The following ABI3BP variants were observed in gnomAD, a reference collection of about 807,000 sequenced individuals.
ABI3BP encodes the protein target of Nesh-SH3.
In ABI3BP, 216 loss-of-function variants were observed where a neutral mutation model predicts 268.6. The ratio of observed to expected loss-of-function variants is 0.80; its 90% CI spans 0.72 to 0.90. ABI3BP has a LOEUF of 0.90. Ranked by LOEUF, ABI3BP falls within the 40% of genes least tolerant of loss-of-function variation. The pLI is 0.00. For missense variants in ABI3BP, 2,090 were observed against 2,182.4 expected, an observed-to-expected ratio of 0.96 and a Z score of 0.84; for synonymous variants, 730 against 730.0, an observed-to-expected ratio of 1.00 and a Z score of 0.00.
Position 100,926,379 on chromosome 3 carries a change from A to C in ABI3BP, c.182T>G (p.Leu61Arg). ...SPNVKLEGLLLGYGSNVSPNQ... is the reference protein window; with the variant it reads ...SPNVKLEGLLRGYGSNVSPNQ... Reference sequence around the variant, plus strand: ...TGGTGATACATTGCTGCCATATCCCAGGAGAAGACCTTCAAGCTTTACATT... The same window carrying C: ...TGGTGATACATTGCTGCCATATCCCCGGAGAAGACCTTCAAGCTTTACATT... Residue 61 changes from leucine to arginine, a missense_variant, in exon 2 of 68, where the codon CTG becomes CGG. Leu to Arg is a moderately radical substitution (Grantham distance 102). Coordinates refer to ENST00000471714, the MANE Select transcript of ABI3BP (RefSeq NM_001375547.2). 4 of 1,613,474 alleles carry C rather than the reference A, an allele frequency of 2.5e-6. No individual in the cohort carries two copies. Among genetic ancestry groups the C allele is most frequent in the African/African-American group, 1.3e-5 (1 of 74,896 alleles).
At chr3:100,840,938 T>C in intron 21 of ABI3BP, 80 bp from the exon 22 acceptor site, 2 of 1,108,888 alleles carry the variant, frequency 1.8e-6, no homozygotes, top group Non-Finnish European at 1.3e-6. Flanking sequence ...TGGAATATGC[T>C]TAATTTTTAA....
At chr3:100,979,939 A>C (rs530338941) in intron 1 of ABI3BP, among the ~76,000 whole-genome samples, 5 of 152,328 alleles carry the variant, frequency 3.3e-5, no homozygotes, top group African/African-American at 9.6e-5. Context: ...AGGAATTTTG[A>C]CTAACCTGTA....
Position 100,815,912 on chromosome 3 carries a change from C to A in ABI3BP, c.3289G>T (p.Ala1097Ser). 1 of 1,520,274 alleles carries A rather than the reference C, an allele frequency of 6.6e-7. No individual in the cohort carries two copies. Among genetic ancestry groups the A allele is most frequent in the Non-Finnish European group, 8.8e-7 (1 of 1,142,112 alleles). The allele number at this position is 1,520,274 out of a possible 1,614,324, so 94.2% of individuals were successfully genotyped here. A position where few individuals can be genotyped will look rare whatever the true frequency, so the allele number is the denominator to read the frequency against. Residue 1097 changes from alanine (A) to serine (S), a missense_variant and splice_region_variant, in exon 44 of 68, where the codon GCT (alanine) becomes TCT (serine). Transcript: ENST00000471714. The stretch of plus-strand genomic sequence containing the variant: ...TAATGCAAGTCACAAAAATCATTAC[C>A]AAATGTTGTTCCTGGAGCATCAGTA... Reference protein sequence around the residue: ...HSTDAPGTTFALTELQTLILK... With the variant: ...HSTDAPGTTFSLTELQTLILK...
intron 1 of ABI3BP, among the ~76,000 whole-genome samples, chr3:100,929,646 C>T (rs776493587): frequency 1.4e-4 from 21 of 152,002 alleles, no homozygotes; most frequent in South Asian, 4.1e-4. Flanking sequence ...TCTTCATTAT[C>T]TTACCACACA....
At chr3:100,751,042 G>A (rs2095290194) in intron 67 of ABI3BP, among the ~76,000 whole-genome samples, 1 of 152,096 alleles carries the variant, frequency 6.6e-6, no homozygotes, top group Admixed American at 6.6e-5. Flanking sequence ...GCTTAGACAA[G>A]GATTAATTTT....
At chr3:100,827,164 T>G (rs1328034751) in intron 34 of ABI3BP, among the ~76,000 whole-genome samples, 2 of 152,114 alleles carry the variant, frequency 1.3e-5, no homozygotes, top group Non-Finnish European at 2.9e-5. Context: ...AGAAAAATCT[T>G]TAATTTGCAA....
At chr3:100,861,216 T>C (rs2098994808) in intron 14 of ABI3BP, among the ~76,000 whole-genome samples, 1 of 152,204 alleles carries the variant, frequency 6.6e-6, no homozygotes, top group Non-Finnish European at 1.5e-5. Flanking sequence ...TAGGGGTGAC[T>C]ATAATAGACA....
chr3:100,808,006 A>G (rs1276284288), intron 50 of ABI3BP, among the ~76,000 whole-genome samples, 155 bp downstream of exon 50: 1 of 151,984 alleles, frequency 6.6e-6, no homozygotes, highest in Admixed American at 6.6e-5. Flanking sequence ...TAGTAAGTCC[A>G]AAAAGAAATT....
intron 26 of ABI3BP, among the ~76,000 whole-genome samples, chr3:100,837,861 A>G (rs1202227978): frequency 6.6e-6 from 1 of 152,232 alleles, no homozygotes; most frequent in Non-Finnish European, 1.5e-5. Flanking sequence ...TAAATGAAGA[A>G]CAGTGTCAGC....
chr3:100,789,178 CTT>C (rs999164792), intron 56 of ABI3BP, among the ~76,000 whole-genome samples: 2 of 152,080 alleles, frequency 1.3e-5, no homozygotes, highest in African/African-American at 4.8e-5. Flanking sequence ...TATGCAACCT[CTT>C]TGTCAGGAAA....
In ABI3BP at chr3:100,848,837, G is replaced by A. The variant is rs746427060; in HGVS notation, c.1540C>T (p.Arg514Ter). ...QTTSIPSTPKRRPRPKPPRTK... is the reference protein window; with the variant it reads ...QTTSIPSTPK ...CTTGGCGGTTTGGGCCGGGGGCGTC[G>A]TTTAGGTGTAGAAGGGATAGATGTA... Residue 514 changes from arginine (R) to a stop codon, truncating the protein, a stop_gained, in exon 18 of 68, where the codon CGA becomes TGA. Coordinates refer to ENST00000471714, the MANE Select transcript of ABI3BP (RefSeq NM_001375547.2). LOFTEE classifies it high-confidence loss of function. 48 of 1,613,186 alleles carry A rather than the reference G, an allele frequency of 3.0e-5. 1 individual carries two copies. Among genetic ancestry groups the A allele is most frequent in the Non-Finnish European group, 2.8e-5 (33 of 1,179,356 alleles).
intron 1 of ABI3BP, among the ~76,000 whole-genome samples, chr3:100,933,036 C>T (rs1222722617): frequency 6.6e-6 from 1 of 152,062 alleles, no homozygotes; most frequent in East Asian, 1.9e-4. Context: ...ATCTTACATT[C>T]TCCAGAATAT....
chr3:100,767,334 A>G (rs1411994303), intron 62 of ABI3BP, among the ~76,000 whole-genome samples: 1 of 152,160 alleles, frequency 6.6e-6, no homozygotes, highest in Admixed American at 6.5e-5. Context: ...AAAAATTAAA[A>G]ATTAAACTGG....
chr3:100,841,209 T>G (rs982687632), intron 21 of ABI3BP, among the ~76,000 whole-genome samples: 1 of 130,782 alleles, frequency 7.6e-6, no homozygotes, highest in Non-Finnish European at 1.7e-5. Flanking sequence ...TTTTTTTTTT[T>G]TTTTTTTTTT....
intron 45 of ABI3BP, among the ~76,000 whole-genome samples, chr3:100,813,187 C>T (rs1328311564): frequency 6.6e-6 from 1 of 152,108 alleles, no homozygotes; most frequent in African/African-American, 2.4e-5. Context: ...GGCCTATTTA[C>T]AAGCTTGAAG....
intron 51 of ABI3BP, among the ~76,000 whole-genome samples, chr3:100,800,566 C>T (rs2097504213): frequency 6.6e-6 from 1 of 151,688 alleles, no homozygotes; most frequent in African/African-American, 2.4e-5. Flanking sequence ...CTCCGCCTCC[C>T]TGGTTCATGC....
chr3:100,956,337 G>A (rs954341129), intron 1 of ABI3BP, among the ~76,000 whole-genome samples: 2 of 151,284 alleles, frequency 1.3e-5, no homozygotes, highest in African/African-American at 4.9e-5. Context: ...CTGAGCACAT[G>A]AAAATTATAT....
chr3:100,894,818 A>G (rs1329779989), intron 4 of ABI3BP, among the ~76,000 whole-genome samples: 3 of 151,698 alleles, frequency 2.0e-5, no homozygotes, highest in Non-Finnish European at 4.4e-5. Flanking sequence ...CGGTGCCTGT[A>G]GTCCCAGCTA....
chr3:100,887,797 T>G (rs746707580), intron 4 of ABI3BP, among the ~76,000 whole-genome samples: 2 of 152,040 alleles, frequency 1.3e-5, no homozygotes, highest in Non-Finnish European at 2.9e-5. Flanking sequence ...ATTCTCTAAG[T>G]GTCAAGCCTA....
Sources: gnomAD v4.1 joint callset for allele counts (sites outside exome capture counted in the v4.1 genomes callset) on GRCh38, gnomAD v4.1.1 for gene constraint, MANE v1.5 for transcripts, NCBI Gene and HGNC (gene_info 2026-07-23, HGNC 2026-07-21) for gene names.